NCAM2: variants seen among roughly 807,000 people sequenced by gnomAD.
NCAM2 encodes N-CAM-2.
In NCAM2, 30 loss-of-function variants were observed where a neutral mutation model predicts 98.1. The observed-to-expected ratio is 0.31, with a 90% CI of 0.23 to 0.41. The LOEUF is 0.41. NCAM2 is among the 10% of genes least tolerant of loss of function. The pLI is 1.00. For missense variants in NCAM2, 867 were observed against 1,005.8 expected (o/e 0.86, Z 1.87); for synonymous variants, 368 against 342.4 (o/e 1.07, Z -0.83).
intron 15 of NCAM2, among the ~76,000 whole-genome samples, chr21:21,477,717 CAT>C (rs979689110): frequency 6.6e-6 from 1 of 152,042 alleles, no homozygotes; most frequent in Non-Finnish European, 1.5e-5. Flanking sequence ...ACTAGGAGAA[CAT>C]AGAGAGTAAG....
chr21:21,063,084 T>C (rs1353122496), intron 1 of NCAM2, among the ~76,000 whole-genome samples: 3 of 152,174 alleles, frequency 2.0e-5, no homozygotes, highest in African/African-American at 7.2e-5. Flanking sequence ...ACCTTACTTT[T>C]TAAATTTGCA....
chr21:21,177,558 G>A (rs1372447550), intron 1 of NCAM2, among the ~76,000 whole-genome samples: 1 of 151,954 alleles, frequency 6.6e-6, no homozygotes, highest in Non-Finnish European at 1.5e-5. Context: ...TCTATGAATA[G>A]CACATGTCAC....
At chr21:21,499,056 G>A (rs929113568) in intron 15 of NCAM2, among the ~76,000 whole-genome samples, 1 of 151,970 alleles carries the variant, frequency 6.6e-6, no homozygotes, top group African/African-American at 2.4e-5. Context: ...GTGTCAATTA[G>A]GAATATAGCA....
At chr21:21,529,785 CAT>C (rs1245196463) in intron 16 of NCAM2, among the ~76,000 whole-genome samples, 1 of 151,576 alleles carries the variant, frequency 6.6e-6, no homozygotes, top group African/African-American at 2.4e-5. Flanking sequence ...TAAAACATAA[CAT>C]AGTATTAGTG....
chr21:21,323,281 G>T (rs980911244), intron 5 of NCAM2, among the ~76,000 whole-genome samples: 1 of 152,014 alleles, frequency 6.6e-6, no homozygotes, highest in African/African-American at 2.4e-5. Flanking sequence ...TGTTACTTTA[G>T]AGACAACATG....
At chr21:21,255,454 G>A (rs1173728445) in intron 1 of NCAM2, among the ~76,000 whole-genome samples, 2 of 152,216 alleles carry the variant, frequency 1.3e-5, no homozygotes, top group Non-Finnish European at 2.9e-5. Flanking sequence ...CCAGGTGGAA[G>A]TAATCCATTG....
chr21:21,423,064 A>T (rs903194823), intron 11 of NCAM2, among the ~76,000 whole-genome samples: 2 of 151,746 alleles, frequency 1.3e-5, no homozygotes, highest in Admixed American at 6.6e-5. Flanking sequence ...TAAATTTCTT[A>T]ATTTGTTTCA....
chr21:21,268,516 A>G (rs1489868993), intron 1 of NCAM2, among the ~76,000 whole-genome samples: 2 of 152,206 alleles, frequency 1.3e-5, no homozygotes, highest in Admixed American at 6.5e-5. Flanking sequence ...AAACACATGC[A>G]TTCACATTCA....
chr21:21,454,972 C>G (rs955679822), intron 12 of NCAM2, among the ~76,000 whole-genome samples: 1 of 151,880 alleles, frequency 6.6e-6, no homozygotes, highest in Non-Finnish European at 1.5e-5. Flanking sequence ...TTTTCCTTCT[C>G]TAGATACAAG....
intron 1 of NCAM2, among the ~76,000 whole-genome samples, chr21:21,078,728 A>G (rs1568998591): frequency 1.3e-5 from 2 of 152,256 alleles, no homozygotes; most frequent in South Asian, 2.1e-4. Flanking sequence ...ATAAAGATAC[A>G]TGCACATGTA....
chr21:21,371,120 T>C (rs554806290), intron 8 of NCAM2, among the ~76,000 whole-genome samples: 1 of 151,696 alleles, frequency 6.6e-6, no homozygotes, highest in East Asian at 1.9e-4. Context: ...TAGGAGCAAA[T>C]CCAGAGGAAA....
At chr21:21,225,540 T>C (rs1372923931) in intron 1 of NCAM2, among the ~76,000 whole-genome samples, 1 of 152,142 alleles carries the variant, frequency 6.6e-6, no homozygotes, top group Non-Finnish European at 1.5e-5. Context: ...TCTCAGTGTG[T>C]TAATTAAATG....
At chr21:21,145,906 C>T (rs970745983) in intron 1 of NCAM2, among the ~76,000 whole-genome samples, 2 of 152,100 alleles carry the variant, frequency 1.3e-5, no homozygotes, top group East Asian at 3.9e-4. Context: ...AAAATATTGA[C>T]GATTGTGATT....
At chr21:21,491,236 A>G (rs1225728980) in intron 15 of NCAM2, among the ~76,000 whole-genome samples, 1 of 151,814 alleles carries the variant, frequency 6.6e-6, no homozygotes. Flanking sequence ...TAGTGTCTTC[A>G]TAAAAACATC....
intron 1 of NCAM2, among the ~76,000 whole-genome samples, chr21:21,122,740 G>A (rs1309369903): frequency 2.0e-5 from 3 of 152,126 alleles, no homozygotes; most frequent in Non-Finnish European, 4.4e-5. Flanking sequence ...AAGAGTTTTT[G>A]GAAGCATGCA....
intron 1 of NCAM2, among the ~76,000 whole-genome samples, chr21:21,263,451 C>G (rs1195415350): frequency 6.6e-6 from 1 of 151,846 alleles, no homozygotes; most frequent in African/African-American, 2.4e-5. Context: ...AAGTAATCTA[C>G]AAATTCAATG....
intron 1 of NCAM2, among the ~76,000 whole-genome samples, chr21:21,146,609 T>C (rs1241293832): frequency 6.7e-6 from 1 of 149,432 alleles, no homozygotes; most frequent in Admixed American, 6.7e-5. Context: ...GTGTGTGTGT[T>C]TTTCCTTTAC....
chr21:21,027,689 G>A (rs2064579834), intron 1 of NCAM2, among the ~76,000 whole-genome samples: 2 of 152,094 alleles, frequency 1.3e-5, no homozygotes, highest in African/African-American at 2.4e-5. Context: ...TACATTACAG[G>A]TGTTTAGCCT....
intron 1 of NCAM2, among the ~76,000 whole-genome samples, chr21:21,219,498 A>G (rs532197842): frequency 6.6e-6 from 1 of 152,346 alleles, no homozygotes; most frequent in Non-Finnish European, 1.5e-5. Flanking sequence ...TGTAGACTTT[A>G]TTACATCATG....
Sources: gnomAD v4.1 joint callset for allele counts (sites outside exome capture counted in the v4.1 genomes callset) on GRCh38, gnomAD v4.1.1 for gene constraint, MANE v1.5 for transcripts, NCBI Gene and HGNC (gene_info 2026-07-23, HGNC 2026-07-21) for gene names.